CCDC102B: variants seen among roughly 807,000 people sequenced by gnomAD.
CCDC102B encodes coiled-coil domain containing 102B.
A neutral mutation model predicts 57.4 loss-of-function variants in CCDC102B; 75 were observed. That is an observed-to-expected ratio of 1.31 (90% CI 1.08 to 1.58). The LOEUF (loss-of-function observed/expected upper bound fraction) is 1.58. CCDC102B is among the 40% of genes most tolerant of loss of function. The pLI, the probability that CCDC102B is intolerant of heterozygous loss-of-function variation, is 0.00. For synonymous variants in CCDC102B, 206 were observed against 201.9 expected (o/e 1.02, Z -0.17); for missense variants, 636 against 582.6 (o/e 1.09, Z -0.94).
intron 6 of CCDC102B, among the ~76,000 whole-genome samples, chr18:68,999,268 G>T (rs2051135392): frequency 6.6e-6 from 1 of 152,038 alleles, no homozygotes; most frequent in Non-Finnish European, 1.5e-5. Flanking sequence ...TATAGGTTGA[G>T]TGGGGCATGT....
Position 68,956,450 on chromosome 18 carries a change from TA to T in CCDC102B, c.1264-54483del, listed in dbSNP as rs1297903702. Among the ~76,000 whole-genome samples, 35 of 13,096 alleles carry T rather than the reference TA, an allele frequency of 2.7e-3. 1 individual carries two copies. Among genetic ancestry groups the T allele is most frequent in the Non-Finnish European group, 3.6e-3 (29 of 8,118 alleles). 8.6% of individuals were successfully genotyped at this position (13,096 alleles called of 152,430 possible). A position where few individuals can be genotyped will look rare whatever the true frequency, so the allele number is the denominator to read the frequency against. ...TTATACATTTTATATATATTATATA[TA>T]TTATATATTTTATATATATATTATA... is the stretch of plus-strand genomic sequence containing the variant. On this transcript the variant is annotated intron_variant, in intron 6 of 7. Coordinates refer to ENST00000360242, the MANE Select transcript of CCDC102B (RefSeq NM_024781.3).
At chr18:69,041,414 A>G (rs2052431754) in intron 7 of CCDC102B, among the ~76,000 whole-genome samples, 1 of 152,072 alleles carries the variant, frequency 6.6e-6, no homozygotes, top group South Asian at 2.1e-4. Flanking sequence ...TTTGCCTGCT[A>G]TATTACATAA....
At chr18:68,893,670 C>T (rs746739653) in intron 5 of CCDC102B, among the ~76,000 whole-genome samples, 19 of 152,052 alleles carry the variant, frequency 1.2e-4, no homozygotes, top group Non-Finnish European at 2.1e-4. Context: ...GCTTACATTC[C>T]AGTTGTTGTT....
intron 7 of CCDC102B, among the ~76,000 whole-genome samples, chr18:69,029,370 T>C (rs1398996741): frequency 6.6e-6 from 1 of 152,212 alleles, no homozygotes; most frequent in African/African-American, 2.4e-5. Flanking sequence ...CATGCTACCA[T>C]CTTTTAAAGG....
At chr18:69,026,095 T>C (rs1429164979) in intron 7 of CCDC102B, among the ~76,000 whole-genome samples, 1 of 152,088 alleles carries the variant, frequency 6.6e-6, no homozygotes, top group African/African-American at 2.4e-5. Context: ...CAGAACTCAT[T>C]CTGCGGGGGA....
chr18:68,748,975 G>C (rs1420923980), intron 2 of CCDC102B, among the ~76,000 whole-genome samples: 1 of 152,186 alleles, frequency 6.6e-6, no homozygotes, highest in Non-Finnish European at 1.5e-5. Context: ...AAGGGATCCA[G>C]TTTCAGCTTT....
intron 2 of CCDC102B, among the ~76,000 whole-genome samples, chr18:68,765,755 ATTAC>A (rs1373007961): frequency 6.6e-6 from 1 of 152,182 alleles, no homozygotes; most frequent in East Asian, 1.9e-4. Flanking sequence ...AGATATAATC[ATTAC>A]TTAATATTCT....
At chr18:68,756,383 G>C (rs1294355148) in intron 2 of CCDC102B, among the ~76,000 whole-genome samples, 1 of 152,006 alleles carries the variant, frequency 6.6e-6, no homozygotes, top group Non-Finnish European at 1.5e-5. Flanking sequence ...AGTAAGAAAG[G>C]CAATATAACA....
chr18:68,961,216 A>T (rs2050040064), intron 6 of CCDC102B, among the ~76,000 whole-genome samples: 2 of 152,080 alleles, frequency 1.3e-5, no homozygotes, highest in African/African-American at 4.8e-5. Context: ...ATAAATTGGC[A>T]CATAGAGGCA....
At position 68,817,105 on chromosome 18, in the gene CCDC102B, A is replaced by G. The variant is rs73458046; in HGVS notation, c.-16+18924A>G. ...TACTAGTAGGAAAATCCATCGTTAT[A>G]AAATGTTGCATGCATTTTTATATTT... On this transcript the variant is annotated intron_variant, in intron 1 of 7. Transcript: ENST00000360242. 7.7e-3 allele frequency among the ~76,000 whole-genome samples: 1,166 copies of G among 152,342 alleles called. 14 individuals carry two copies. The highest frequency in any genetic ancestry group is 0.026 in the African/African-American group (1,095 of 41,576).
chr18:69,018,645 A>G (rs2051738635), intron 7 of CCDC102B, among the ~76,000 whole-genome samples: 1 of 152,156 alleles, frequency 6.6e-6, no homozygotes, highest in Non-Finnish European at 1.5e-5. Context: ...ATTGAGCTGT[A>G]TGAATTTTAA....
chr18:68,805,717 C>T (rs2036010460), intron 1 of CCDC102B, among the ~76,000 whole-genome samples: 1 of 151,936 alleles, frequency 6.6e-6, no homozygotes, highest in African/African-American at 2.4e-5. Flanking sequence ...CATAACCAGC[C>T]AGTGAGTGGG....
Position 68,874,786 on chromosome 18 carries a change from G to A in CCDC102B, c.1053+1G>A. The A allele has an allele frequency of 1.3e-6, 2 of 1,529,856 alleles. No individual in the cohort carries two copies. Among genetic ancestry groups the A allele is most frequent in the Non-Finnish European group, 1.8e-6 (2 of 1,104,418 alleles). 94.8% of individuals were successfully genotyped at this position (1,529,856 alleles called of 1,614,324 possible). A position where few individuals can be genotyped will look rare whatever the true frequency, so the allele number is the denominator to read the frequency against. Reference sequence around the variant, plus strand: ...AGTGATTTGTGAGTTAAGAGCAGAGGTAAGACACTGGGTAAAGAGTACCAT... The same window carrying A: ...AGTGATTTGTGAGTTAAGAGCAGAGATAAGACACTGGGTAAAGAGTACCAT... On this transcript the variant is annotated splice_donor_variant, in intron 5 of 7. Transcript: ENST00000360242. LOFTEE classifies it high-confidence loss of function.
At chr18:68,722,811 A>C (rs541748396) in intron 2 of CCDC102B, among the ~76,000 whole-genome samples, 1 of 152,156 alleles carries the variant, frequency 6.6e-6, no homozygotes, top group African/African-American at 2.4e-5. Flanking sequence ...GATTAGGGGA[A>C]TTTCAGATAG....
intron 7 of CCDC102B, among the ~76,000 whole-genome samples, chr18:69,018,249 A>G (rs1307773562): frequency 1.3e-5 from 2 of 152,260 alleles, no homozygotes; most frequent in African/African-American, 2.4e-5. Flanking sequence ...GTGTGTATAC[A>G]CATATGCACA....
Position 69,045,817 on chromosome 18 carries a change from C to T in CCDC102B, c.1435-8213C>T, listed in dbSNP as rs572005712. 3.9e-5 allele frequency among the ~76,000 whole-genome samples: 6 copies of T among 152,160 alleles called. No homozygotes were observed. The East Asian group carries it at 5.8e-4, about 15-fold the overall frequency. ...GTTCTCCTCTTTGTGTCCATGTGCT[C>T]TTGTTGTTTAGCTCCCACTTATGTG... is the stretch of plus-strand genomic sequence containing the variant. On this transcript the variant is annotated intron_variant, in intron 7 of 7. Transcript: ENST00000360242.
Position 68,897,271 on chromosome 18 carries a change from T to G in CCDC102B, c.1106T>G (p.Leu369Arg). 6.2e-7 allele frequency: 1 copy of G among 1,613,046 alleles called. No homozygotes were observed. The highest frequency in any genetic ancestry group is 8.5e-7 in the Non-Finnish European group (1 of 1,179,286). Residue 369 changes from leucine to arginine, a missense_variant, in exon 6 of 8, where the codon CTT (leucine) becomes CGT (arginine). Leu to Arg is a moderately radical substitution (Grantham distance 102). Coordinates refer to ENST00000360242, the MANE Select transcript of CCDC102B (RefSeq NM_024781.3). ...NTSEWDKREILEREKQGLERE... is the reference protein window; with the variant it reads ...NTSEWDKREIREREKQGLERE... ...TCGGAGTGGGACAAGAGGGAAATAC[T>G]TGAAAGAGAAAAGCAGGGACTGGAG... is the stretch of plus-strand genomic sequence containing the variant.
intron 6 of CCDC102B, among the ~76,000 whole-genome samples, chr18:68,915,001 CAGAA>C (rs2041016009): frequency 1.4e-5 from 2 of 148,018 alleles, no homozygotes; most frequent in Admixed American, 6.7e-5. Flanking sequence ...GAGAGACAGA[CAGAA>C]AGAGAGAGAG....
At chr18:68,820,395 G>A (rs1259453468) in intron 1 of CCDC102B, among the ~76,000 whole-genome samples, 1 of 151,964 alleles carries the variant, frequency 6.6e-6, no homozygotes, top group East Asian at 1.9e-4. Context: ...TATATTTCTG[G>A]AGCATATTCA....
Sources: gnomAD v4.1 joint callset for allele counts (sites outside exome capture counted in the v4.1 genomes callset) on GRCh38, gnomAD v4.1.1 for gene constraint, MANE v1.5 for transcripts, NCBI Gene and HGNC (gene_info 2026-07-23, HGNC 2026-07-21) for gene names.